The following DZIP1L variants were observed in gnomAD, a reference collection of about 807,000 sequenced individuals.
DZIP1L encodes cilium assembly protein DZIP1L.
Under a neutral mutation model 88.7 loss-of-function variants are expected in DZIP1L, and 90 were observed. That is an observed-to-expected ratio of 1.02 (90% CI 0.86 to 1.21). DZIP1L has a LOEUF of 1.21. Ranked by LOEUF, DZIP1L falls within the 50% of genes most tolerant of loss-of-function variation. The pLI, the probability that DZIP1L is intolerant of heterozygous loss-of-function variation, is 0.00. For synonymous variants in DZIP1L, 363 were observed against 372.1 expected (o/e 0.98, Z 0.28); for missense variants, 932 against 955.8 (o/e 0.98, Z 0.33).
intron 7 of DZIP1L, among the ~76,000 whole-genome samples, chr3:138,085,924 G>T (rs1943910786): frequency 6.6e-6 from 1 of 152,312 alleles, no homozygotes; most frequent in African/African-American, 2.4e-5. Context: ...ATACTATGCA[G>T]CCATAAAAAA....
chr3:138,094,170 A>G (rs544994252), intron 4 of DZIP1L, among the ~76,000 whole-genome samples: 1 of 152,366 alleles, frequency 6.6e-6, no homozygotes, highest in East Asian at 1.9e-4. Context: ...TTGATCACAG[A>G]TCACCATAAC....
intron 5 of DZIP1L, among the ~76,000 whole-genome samples, chr3:138,090,886 C>T (rs1559847262): frequency 7.0e-6 from 1 of 143,616 alleles, no homozygotes; most frequent in East Asian, 2.0e-4. Context: ...CAAGGGATAA[C>T]TTTTTTTTTT....
intron 2 of DZIP1L, among the ~76,000 whole-genome samples, chr3:138,098,312 A>G (rs893421209): frequency 6.6e-6 from 1 of 152,104 alleles, no homozygotes; most frequent in African/African-American, 2.4e-5. Flanking sequence ...AAGGTTCATT[A>G]TATTATTCTC....
At chr3:138,094,403 C>T (rs1001507312) in intron 4 of DZIP1L, among the ~76,000 whole-genome samples, 1 of 152,158 alleles carries the variant, frequency 6.6e-6, no homozygotes, top group Admixed American at 6.5e-5. Flanking sequence ...AACTATGCAG[C>T]TGGTGCTCAA....
At chr3:138,065,751 C>T (rs970795418) in intron 14 of DZIP1L, among the ~76,000 whole-genome samples, 2 of 152,222 alleles carry the variant, frequency 1.3e-5, no homozygotes, top group Admixed American at 1.3e-4. Flanking sequence ...AGGGTTTCTA[C>T]TTACTGACCT....
chr3:138,105,969 C>G (rs1285131937), intron 1 of DZIP1L, among the ~76,000 whole-genome samples: 1 of 151,962 alleles, frequency 6.6e-6, no homozygotes, highest in Admixed American at 6.6e-5. Context: ...CTGTACTATT[C>G]AAACTTCTTA....
rs139425130 is a variant in DZIP1L at position 138,071,318 on chromosome 3, G to A, written c.1615+325C>T. 2.2e-3 allele frequency among the ~76,000 whole-genome samples: 336 copies of A among 152,282 alleles called. 5 individuals carry two copies. Among genetic ancestry groups the A allele is most frequent in the East Asian group, 0.014 (74 of 5,172 alleles). Reference sequence around the variant, plus strand: ...GTTGAAGAGACACTCAACTGTGGTCGCAACAAGCCAAACAGAATGAAGGTG... The same window carrying A: ...GTTGAAGAGACACTCAACTGTGGTCACAACAAGCCAAACAGAATGAAGGTG... On this transcript the variant is annotated intron_variant, in intron 12 of 15. Transcript: ENST00000327532.
intron 10 of DZIP1L, among the ~76,000 whole-genome samples, chr3:138,079,691 C>T (rs1463854582): frequency 1.3e-5 from 2 of 152,192 alleles, no homozygotes; most frequent in Non-Finnish European, 2.9e-5. Flanking sequence ...GCCTGCTTCT[C>T]ACTGCATACC....
chr3:138,099,685 T>A (rs1042883407), intron 2 of DZIP1L, among the ~76,000 whole-genome samples: 1 of 152,146 alleles, frequency 6.6e-6, no homozygotes, highest in Admixed American at 6.5e-5. Context: ...GAGGGAGTTC[T>A]CATTCTTATT....
intron 1 of DZIP1L, among the ~76,000 whole-genome samples, chr3:138,110,216 C>T (rs992100484): frequency 1.7e-4 from 26 of 152,058 alleles, no homozygotes; most frequent in African/African-American, 6.3e-4. Context: ...AAATCAAACA[C>T]GGCCTGTTCT....
At chr3:138,100,227 C>T (rs1195283315) in intron 2 of DZIP1L, among the ~76,000 whole-genome samples, 1 of 152,180 alleles carries the variant, frequency 6.6e-6, no homozygotes, top group Non-Finnish European at 1.5e-5. Flanking sequence ...ATCAATTATG[C>T]ATGCTTGGTG....
intron 7 of DZIP1L, among the ~76,000 whole-genome samples, chr3:138,085,854 A>G (rs1943906807): frequency 1.3e-5 from 2 of 152,202 alleles, no homozygotes; most frequent in Non-Finnish European, 2.9e-5. Context: ...CTTGGAACCA[A>G]CCCAAATGTC....
chr3:138,075,268 A>C (rs552523224), intron 11 of DZIP1L, among the ~76,000 whole-genome samples: 1 of 152,328 alleles, frequency 6.6e-6, no homozygotes, highest in African/African-American at 2.4e-5. Context: ...GTCAACAAAG[A>C]AACAATAGAC....
chr3:138,106,559 C>A (rs1040066886), intron 1 of DZIP1L, among the ~76,000 whole-genome samples: 1 of 151,868 alleles, frequency 6.6e-6, no homozygotes, highest in Non-Finnish European at 1.5e-5. Context: ...CTAGGCTGGG[C>A]GCAGTGGCTC....
At chr3:138,071,546 G>T in intron 12 of DZIP1L, 97 bp downstream of exon 12, 1 of 1,385,864 alleles carries the variant, frequency 7.2e-7, no homozygotes, top group East Asian at 2.4e-5. Context: ...CCCCTAATGG[G>T]GGACAGAGAC....
intron 10 of DZIP1L, among the ~76,000 whole-genome samples, 192 bp from the exon 11 acceptor site, chr3:138,077,824 C>T (rs1438368255): frequency 6.6e-6 from 1 of 152,246 alleles, no homozygotes; most frequent in Non-Finnish European, 1.5e-5. Context: ...CCAGGCCCCA[C>T]TGCTGTGGGT....
chr3:138,085,992 T>C (rs1443063533), intron 7 of DZIP1L, among the ~76,000 whole-genome samples: 1 of 151,710 alleles, frequency 6.6e-6, no homozygotes, highest in African/African-American at 2.4e-5. Flanking sequence ...TCATTCTCAG[T>C]AAACTATCAC....
intron 11 of DZIP1L, among the ~76,000 whole-genome samples, chr3:138,074,090 T>C (rs904950715): frequency 6.6e-6 from 1 of 152,134 alleles, no homozygotes; most frequent in Non-Finnish European, 1.5e-5. Flanking sequence ...AGAATAATTG[T>C]TATTCCCAAG....
intron 7 of DZIP1L, among the ~76,000 whole-genome samples, chr3:138,086,001 A>G (rs1460932764): frequency 1.3e-5 from 2 of 152,098 alleles, no homozygotes; most frequent in African/African-American, 2.4e-5. Context: ...GTAAACTATC[A>G]CAAGAACAAA....
Sources: allele counts gnomAD v4.1 joint callset (sites outside exome capture counted in the v4.1 genomes callset), GRCh38; gene constraint gnomAD v4.1.1; transcripts MANE v1.5; gene names NCBI Gene and HGNC (gene_info 2026-07-23, HGNC 2026-07-21).